The following AGMO variants were observed in gnomAD, a reference collection of about 807,000 sequenced individuals.
AGMO encodes alkylglycerol monooxygenase.
A neutral mutation model predicts 60.2 loss-of-function variants in AGMO; 75 were observed. The ratio of observed to expected loss-of-function variants is 1.25; its 90% CI spans 1.03 to 1.51. The LOEUF is 1.51. AGMO is among the 40% of genes most tolerant of loss of function. AGMO has a pLI of 0.00. For missense variants in AGMO, 763 were observed against 525.5 expected (o/e 1.45, Z -4.42); for synonymous variants, 261 against 177.1 (o/e 1.47, Z -3.76).
At chr7:15,507,031 T>C (rs1222743782) in intron 3 of AGMO, among the ~76,000 whole-genome samples, 1 of 151,928 alleles carries the variant, frequency 6.6e-6, no homozygotes, top group East Asian at 1.9e-4. Context: ...CTATTGACAA[T>C]GGTGCTTTAT....
intron 3 of AGMO, among the ~76,000 whole-genome samples, chr7:15,438,373 A>G (rs894381758): frequency 5.3e-5 from 8 of 152,150 alleles, no homozygotes; most frequent in East Asian, 3.9e-4. Context: ...GAACTGAACT[A>G]GAAGGTAGAT....
chr7:15,194,769 T>C, the AGMO span, among the ~76,000 whole-genome samples: 13 of 152,190 alleles, frequency 8.5e-5, no homozygotes, highest in Non-Finnish European at 8.8e-5. Flanking sequence ...TTGCAGCCTA[T>C]TACGTAGGCC....
intron 3 of AGMO, among the ~76,000 whole-genome samples, chr7:15,461,261 A>G (rs1782133624): frequency 1.3e-5 from 2 of 152,116 alleles, no homozygotes; most frequent in African/African-American, 2.4e-5. Context: ...TTTTATATAT[A>G]AAGATAATCA....
intron 12 of AGMO, among the ~76,000 whole-genome samples, chr7:15,274,244 A>G (rs1253817228): frequency 6.6e-6 from 1 of 152,086 alleles, no homozygotes; most frequent in Non-Finnish European, 1.5e-5. Flanking sequence ...ATTCAGTATG[A>G]TATTGGCTGT....
At chr7:15,265,244 A>C (rs926101755) in intron 12 of AGMO, among the ~76,000 whole-genome samples, 1 of 152,022 alleles carries the variant, frequency 6.6e-6, no homozygotes, top group African/African-American at 2.4e-5. Flanking sequence ...AATACACATG[A>C]ACATAAAGAT....
chr7:15,540,422 C>T (rs1242781521), intron 3 of AGMO, among the ~76,000 whole-genome samples: 1 of 152,136 alleles, frequency 6.6e-6, no homozygotes, highest in African/African-American at 2.4e-5. Context: ...CCTCACATAC[C>T]AAACCTCCAA....
At chr7:15,531,227 CTATA>C (rs1340701862) in intron 3 of AGMO, among the ~76,000 whole-genome samples, 2 of 69,272 alleles carry the variant, frequency 2.9e-5, no homozygotes, top group Non-Finnish European at 2.5e-5. Context: ...TATATATATT[CTATA>C]TATATATTCT....
the AGMO span, among the ~76,000 whole-genome samples, chr7:15,118,167 AAGAG>A: frequency 0.04 from 2,359 of 58,524 alleles, 34 homozygotes; most frequent in Admixed American, 0.059. Flanking sequence ...AAAACCACTA[AAGAG>A]AAACACACAC....
chr7:15,561,010 A>G (rs904081289), intron 1 of AGMO, among the ~76,000 whole-genome samples: 9 of 152,172 alleles, frequency 5.9e-5, no homozygotes, highest in Non-Finnish European at 1.2e-4. Flanking sequence ...ACTCATTTGG[A>G]AGCTAATCAT....
Position 15,529,546 on chromosome 7 carries a change from A to ATATATAGAGTATATATATTC in AGMO, c.409+15225_409+15226insGAATATATATACTCTATATA, listed in dbSNP as rs1562554625. 2.4e-3 allele frequency among the ~76,000 whole-genome samples: 292 copies of ATATATAGAGTATATATATTC among 120,912 alleles called. 2 individuals are homozygous for ATATATAGAGTATATATATTC. The highest frequency in any genetic ancestry group is 9.3e-3 in the African/African-American group (278 of 30,002). The allele number at this position is 120,912 out of a possible 152,430, so 79.3% of individuals were successfully genotyped here. A position where few individuals can be genotyped will look rare whatever the true frequency, so the allele number is the denominator to read the frequency against. ...TTAGACTAGAATATATATATATTCT[A>ATATATAGAGTATATATATTC]TATATATAGAATATATATTCTATAT... On this transcript the variant is annotated intron_variant, in intron 3 of 12. Transcript: ENST00000342526.
At chr7:15,492,030 T>G (rs1007346296) in intron 3 of AGMO, among the ~76,000 whole-genome samples, 1 of 152,192 alleles carries the variant, frequency 6.6e-6, no homozygotes, top group East Asian at 1.9e-4. Flanking sequence ...TCCTAAGACC[T>G]TGCATTGTGG....
At chr7:15,484,331 C>A (rs1782854351) in intron 3 of AGMO, among the ~76,000 whole-genome samples, 1 of 152,034 alleles carries the variant, frequency 6.6e-6, no homozygotes, top group Non-Finnish European at 1.5e-5. Flanking sequence ...ATGTATCGTA[C>A]AAATTCATTT....
intron 6 of AGMO, among the ~76,000 whole-genome samples, chr7:15,392,395 C>T (rs1277829854): frequency 1.3e-5 from 2 of 152,006 alleles, no homozygotes; most frequent in East Asian, 1.9e-4. Flanking sequence ...ATAGAAGGAA[C>T]TGCAAGTGTA....
chr7:15,452,668 A>C (rs2128506010), intron 3 of AGMO, among the ~76,000 whole-genome samples: 1 of 152,328 alleles, frequency 6.6e-6, no homozygotes, highest in Admixed American at 6.5e-5. Context: ...TTTGGAAAAC[A>C]GTTTCGCAGT....
chr7:15,390,151 C>A (rs1185783480), intron 8 of AGMO, among the ~76,000 whole-genome samples: 1 of 152,094 alleles, frequency 6.6e-6, no homozygotes, highest in Non-Finnish European at 1.5e-5. Context: ...CAATGAACAA[C>A]CAGTACCACA....
chr7:15,337,784 G>C (rs1781710139), intron 12 of AGMO, among the ~76,000 whole-genome samples: 1 of 152,208 alleles, frequency 6.6e-6, no homozygotes. Flanking sequence ...CTCACCAGCT[G>C]TTTCTTACAT....
intron 3 of AGMO, among the ~76,000 whole-genome samples, chr7:15,450,179 G>T (rs1465955797): frequency 6.6e-6 from 1 of 152,100 alleles, no homozygotes; most frequent in African/African-American, 2.4e-5. Context: ...CCAGTGCTTT[G>T]GGAGGCCGAG....
At chr7:15,271,885 A>C (rs1293726851) in intron 12 of AGMO, among the ~76,000 whole-genome samples, 1 of 152,106 alleles carries the variant, frequency 6.6e-6, no homozygotes, top group Non-Finnish European at 1.5e-5. Context: ...AAGGATGCCA[A>C]ATTTTATTGA....
chr7:15,259,176 A>G (rs1563058184), intron 12 of AGMO, among the ~76,000 whole-genome samples: 2 of 152,024 alleles, frequency 1.3e-5, no homozygotes, highest in African/African-American at 2.4e-5. Flanking sequence ...ATATGAAAGA[A>G]AAATTCTTCA....
Sources: allele counts gnomAD v4.1 joint callset (sites outside exome capture counted in the v4.1 genomes callset), GRCh38; gene constraint gnomAD v4.1.1; transcripts MANE v1.5; gene names NCBI Gene and HGNC (gene_info 2026-07-23, HGNC 2026-07-21).